The following BCR variants were observed in gnomAD, a reference collection of about 807,000 sequenced individuals.
BCR encodes the protein BCR activator of RhoGEF and GTPase.
A neutral mutation model predicts 138.6 loss-of-function variants in BCR; 58 were observed. The observed-to-expected ratio is 0.42, with a 90% confidence interval of 0.34 to 0.52. The LOEUF (loss-of-function observed/expected upper bound fraction) is 0.52. BCR is among the 20% of genes least tolerant of loss of function. The pLI, the probability that BCR is intolerant of heterozygous loss-of-function variation, is 0.06. For missense variants in BCR, 1,599 were observed against 1,727.2 expected (o/e 0.93, Z 1.32); for synonymous variants, 786 against 730.1 (o/e 1.08, Z -1.23).
intron 1 of BCR, among the ~76,000 whole-genome samples, chr22:23,214,832 A>T (rs1230275761): frequency 1.3e-5 from 2 of 152,166 alleles, no homozygotes; most frequent in African/African-American, 2.4e-5. Flanking sequence ...ACATAATGTA[A>T]AATTTACCAC....
chr22:23,282,313 G>A (rs1176826244), intron 8 of BCR, among the ~76,000 whole-genome samples: 3 of 152,250 alleles, frequency 2.0e-5, no homozygotes, highest in Non-Finnish European at 2.9e-5. Context: ...CCAGGCAGCC[G>A]TCTGCCCTCG....
Position 23,181,842 on chromosome 22 carries a change from C to T in BCR, c.882C>T (p.Gly294=), listed in dbSNP as rs1025199152. Residue 294 remains glycine, a synonymous_variant, in exon 1 of 23, where the codon GGC becomes GGT. Transcript: ENST00000305877. ...VGGMMEGEGK[G]PLLRSQSTSE... Reference sequence around the variant, plus strand: ...GCATGATGGAAGGGGAGGGCAAGGGCCCGCTCCTGCGCAGCCAGAGCACCT... The same window carrying T: ...GCATGATGGAAGGGGAGGGCAAGGGTCCGCTCCTGCGCAGCCAGAGCACCT... 1.9e-6 allele frequency: 3 copies of T among 1,611,998 alleles called. No homozygotes were observed. Among genetic ancestry groups the T allele is most frequent in the East Asian group, 2.2e-5 (1 of 44,876 alleles).
intron 1 of BCR, among the ~76,000 whole-genome samples, chr22:23,197,257 C>A (rs1251603528): frequency 3.3e-5 from 5 of 152,192 alleles, no homozygotes; most frequent in Admixed American, 6.5e-5. Context: ...GGCTGTGCCA[C>A]GTAGCCTAGG....
chr22:23,219,271 G>C (rs1316830275), intron 1 of BCR, among the ~76,000 whole-genome samples: 3 of 152,186 alleles, frequency 2.0e-5, no homozygotes, highest in Non-Finnish European at 2.9e-5. Context: ...AAAGCTGAGC[G>C]TGCCCACCAA....
At chr22:23,194,395 T>A (rs941632085) in intron 1 of BCR, among the ~76,000 whole-genome samples, 3 of 141,118 alleles carry the variant, frequency 2.1e-5, no homozygotes, top group Admixed American at 6.9e-5. Context: ...GTCTCCATTT[T>A]TTTTTTCTTT....
chr22:23,185,058 T>C (rs1203927739), intron 1 of BCR, among the ~76,000 whole-genome samples: 1 of 152,138 alleles, frequency 6.6e-6, no homozygotes, highest in Non-Finnish European at 1.5e-5. Flanking sequence ...GGGAGGGGGC[T>C]GAAGCCATCC....
intron 8 of BCR, among the ~76,000 whole-genome samples, chr22:23,278,317 A>G (rs988382736): frequency 1.3e-5 from 2 of 152,198 alleles, no homozygotes; most frequent in African/African-American, 4.8e-5. Context: ...CAGCAGTCCA[A>G]ACAGGAGCTG....
rs1462653473 is a variant in BCR at position 23,180,869 on chromosome 22, C to T, written c.-92C>T. On this transcript the variant is annotated 5_prime_UTR_variant, in exon 1 of 23. Coordinates refer to ENST00000305877, the MANE Select transcript of BCR (RefSeq NM_004327.4). Reference sequence around the variant, plus strand: ...CCGCCGCGCGGGCCATGGGGGCCGCCCGGCGCCCGGGGCCGGGCTGGCGAG... The same window carrying T: ...CCGCCGCGCGGGCCATGGGGGCCGCTCGGCGCCCGGGGCCGGGCTGGCGAG... 2.6e-6 allele frequency: 2 copies of T among 759,410 alleles called. No homozygotes were observed. Among genetic ancestry groups the T allele is most frequent in the Non-Finnish European group, 3.0e-6 (2 of 676,010 alleles). The allele number at this position is 759,410 out of a possible 1,614,324, so 47.0% of individuals were successfully genotyped here. A position where few individuals can be genotyped will look rare whatever the true frequency, so the allele number is the denominator to read the frequency against.
At chr22:23,303,742 C>T (rs1291662292) in intron 16 of BCR, among the ~76,000 whole-genome samples, 1 of 152,338 alleles carries the variant, frequency 6.6e-6, no homozygotes, top group East Asian at 1.9e-4. Context: ...CCGCCATCAA[C>T]ATGGATAGTG....
chr22:23,182,272 C>T, intron 1 of BCR, 33 bp downstream of exon 1: 1 of 1,503,988 alleles, frequency 6.6e-7, no homozygotes. Context: ...GTGGGCACAC[C>T]TGCACGGGGG....
intron 19 of BCR, chr22:23,312,047 A>G (rs1602135267): frequency 1.0e-6 from 1 of 968,928 alleles, no homozygotes; most frequent in African/African-American, 1.7e-5. Context: ...CATGCATGCC[A>G]CTTGCTGGGG....
At chr22:23,220,257 T>TTCACC (rs2072808859) in intron 1 of BCR, among the ~76,000 whole-genome samples, 6 of 152,166 alleles carry the variant, frequency 3.9e-5, no homozygotes, top group African/African-American at 1.2e-4. Context: ...TACACTGAAG[T>TTCACC]TTCACCTACC....
chr22:23,200,480 G>A (rs572795087), intron 1 of BCR, among the ~76,000 whole-genome samples: 2 of 151,712 alleles, frequency 1.3e-5, no homozygotes, highest in African/African-American at 2.4e-5. Flanking sequence ...ATCCCCCCAG[G>A]TAATTTTTAA....
At chr22:23,193,215 A>G (rs1007774432) in intron 1 of BCR, among the ~76,000 whole-genome samples, 5 of 152,248 alleles carry the variant, frequency 3.3e-5, no homozygotes, top group Non-Finnish European at 7.3e-5. Context: ...ATTGATGAGC[A>G]TTCGAAGCAA....
At chr22:23,286,643 A>C (rs1445032085) in intron 10 of BCR, among the ~76,000 whole-genome samples, 5 of 152,250 alleles carry the variant, frequency 3.3e-5, no homozygotes, top group Non-Finnish European at 7.4e-5. Context: ...TCTCCTCCCC[A>C]GGGATAGTGG....
In BCR at chr22:23,235,427, C is replaced by T. The variant is rs2073012520; in HGVS notation, c.1280-18372C>T. On this transcript the variant is annotated intron_variant, in intron 1 of 22. Transcript: ENST00000305877. Reference sequence around the variant, plus strand: ...GAAAGCAGCTGTGCTGTTGCCCTGCCCTCTGGGGCACAATGTTAGGAGTAA... The same window carrying T: ...GAAAGCAGCTGTGCTGTTGCCCTGCTCTCTGGGGCACAATGTTAGGAGTAA... Among the ~76,000 whole-genome samples, 2 of 144,674 alleles carry T rather than the reference C, an allele frequency of 1.4e-5. 1 individual carries two copies. Among genetic ancestry groups the T allele is most frequent in the Admixed American group, 1.4e-4 (2 of 14,404 alleles). The allele number at this position is 144,674 out of a possible 152,430, so 94.9% of individuals were successfully genotyped here.
chr22:23,230,967 G>A (rs923394665), intron 1 of BCR, among the ~76,000 whole-genome samples: 2 of 152,118 alleles, frequency 1.3e-5, no homozygotes, highest in Admixed American at 6.5e-5. Context: ...ACCATCTAAC[G>A]GGGCCCGACT....
At chr22:23,226,592 T>G (rs1033843952) in intron 1 of BCR, among the ~76,000 whole-genome samples, 1 of 152,202 alleles carries the variant, frequency 6.6e-6, no homozygotes, top group Non-Finnish European at 1.5e-5. Flanking sequence ...GTTGGCAAAT[T>G]GCAGCTTAGT....
chr22:23,263,076 G>T, intron 4 of BCR: 1 of 707,380 alleles, frequency 1.4e-6, no homozygotes, highest in East Asian at 2.9e-5. Context: ...CGCCAGGCCG[G>T]GAAGAGTACA....
Sources: gnomAD v4.1 joint callset for allele counts (sites outside exome capture counted in the v4.1 genomes callset) on GRCh38, gnomAD v4.1.1 for gene constraint, MANE v1.5 for transcripts, NCBI Gene and HGNC (gene_info 2026-07-23, HGNC 2026-07-21) for gene names.